DRC10: variants seen among roughly 807,000 people sequenced by gnomAD.
The protein encoded by DRC10 is dynein regulatory complex subunit 10.
At chr12:113,197,028 G>C in the DRC10 span, among the ~76,000 whole-genome samples, 1 of 152,206 alleles carries the variant, frequency 6.6e-6, no homozygotes, top group African/African-American at 2.4e-5. Context: ...GAGTGACTGA[G>C]TGATGCAGTG....
At chr12:113,220,158 G>A in the DRC10 span, among the ~76,000 whole-genome samples, 1 of 151,834 alleles carries the variant, frequency 6.6e-6, no homozygotes, top group Non-Finnish European at 1.5e-5. Flanking sequence ...GAAACTCTCT[G>A]TCTTCAGTAG....
At chr12:113,204,689 G>A in the DRC10 span, among the ~76,000 whole-genome samples, 2 of 152,196 alleles carry the variant, frequency 1.3e-5, no homozygotes, top group African/African-American at 4.8e-5. Context: ...GGGAGGCTGA[G>A]GTGGGAGGTG....
chr12:113,210,476 C>T, the DRC10 span, among the ~76,000 whole-genome samples: 1 of 152,018 alleles, frequency 6.6e-6, no homozygotes, highest in Non-Finnish European at 1.5e-5. Flanking sequence ...ACACCTACTG[C>T]CTTGGCCAAG....
the DRC10 span, among the ~76,000 whole-genome samples, chr12:113,203,295 G>A: frequency 6.6e-6 from 1 of 152,160 alleles, no homozygotes; most frequent in Non-Finnish European, 1.5e-5. Flanking sequence ...AAAGTGTTGG[G>A]ATTACAGGCG....
At chr12:113,218,673 A>G in the DRC10 span, among the ~76,000 whole-genome samples, 1 of 149,096 alleles carries the variant, frequency 6.7e-6, no homozygotes, top group South Asian at 2.1e-4. Flanking sequence ...TCAAACTCCT[A>G]GGCTCAAACT....
chr12:113,199,156 C>T, the DRC10 span, among the ~76,000 whole-genome samples: 7 of 152,216 alleles, frequency 4.6e-5, no homozygotes, highest in East Asian at 1.9e-4. Flanking sequence ...AGGCTGGTCT[C>T]GAACTCCTGA....
At chr12:113,204,915 A>G in the DRC10 span, among the ~76,000 whole-genome samples, 1 of 151,180 alleles carries the variant, frequency 6.6e-6, no homozygotes, top group Non-Finnish European at 1.5e-5. Flanking sequence ...GGCATAGAGT[A>G]AGACTGTCTC....
the DRC10 span, among the ~76,000 whole-genome samples, chr12:113,198,534 C>T: frequency 1.2e-4 from 19 of 152,126 alleles, no homozygotes; most frequent in African/African-American, 4.6e-4. Flanking sequence ...CCAGACACAA[C>T]GGCCACAGAA....
At chr12:113,199,882 C>A in the DRC10 span, among the ~76,000 whole-genome samples, 2 of 152,064 alleles carry the variant, frequency 1.3e-5, no homozygotes, top group Admixed American at 1.3e-4. Flanking sequence ...CAGCGCCTGA[C>A]TAATTTATCT....
At chr12:113,210,540 T>C in the DRC10 span, among the ~76,000 whole-genome samples, 3 of 149,788 alleles carry the variant, frequency 2.0e-5, no homozygotes, top group African/African-American at 7.4e-5. Context: ...AGTGGGAGGA[T>C]CGCTTGAGCC....
chr12:113,200,938 A>G, the DRC10 span: 1 of 641,842 alleles, frequency 1.6e-6, no homozygotes. Context: ...CAGGAGTTTG[A>G]GACCAGCCTG....
At chr12:113,199,157 G>A in the DRC10 span, among the ~76,000 whole-genome samples, 2 of 152,166 alleles carry the variant, frequency 1.3e-5, no homozygotes, top group South Asian at 2.1e-4. Flanking sequence ...GGCTGGTCTC[G>A]AACTCCTGAC....
At chr12:113,220,732 C>T in the DRC10 span, among the ~76,000 whole-genome samples, 1 of 152,140 alleles carries the variant, frequency 6.6e-6, no homozygotes, top group Non-Finnish European at 1.5e-5. Flanking sequence ...TACGATATGA[C>T]TCTGCTTGAC....
chr12:113,198,730 C>T, the DRC10 span, among the ~76,000 whole-genome samples: 10 of 152,120 alleles, frequency 6.6e-5, no homozygotes, highest in Non-Finnish European at 1.0e-4. Context: ...GGCACAACAT[C>T]GTGAATATAC....
At chr12:113,210,713 C>A in the DRC10 span, among the ~76,000 whole-genome samples, 3 of 151,282 alleles carry the variant, frequency 2.0e-5, no homozygotes, top group East Asian at 5.8e-4. Context: ...ATCCCTCACC[C>A]TGATTCTTCT....
the DRC10 span, among the ~76,000 whole-genome samples, chr12:113,210,612 G>GAAAAAAA: frequency 5.6e-5 from 6 of 107,294 alleles, no homozygotes; most frequent in East Asian, 3.1e-4. Context: ...AAGAAAAAAA[G>GAAAAAAA]AAAAAAAAAA....
chr12:113,217,466 AT>A, the DRC10 span, among the ~76,000 whole-genome samples: 1 of 152,192 alleles, frequency 6.6e-6, no homozygotes, highest in African/African-American at 2.4e-5. Context: ...GAACATTTCT[AT>A]CACTCCCCCC....
At chr12:113,195,726 A>C in the DRC10 span, 1 of 1,613,802 alleles carries the variant, frequency 6.2e-7, no homozygotes. Context: ...CGCCCGTACC[A>C]TGCGCACCAT....
chr12:113,199,173 G>A, the DRC10 span, among the ~76,000 whole-genome samples: 5 of 152,266 alleles, frequency 3.3e-5, no homozygotes, highest in African/African-American at 7.2e-5. Context: ...CTGACCTCAG[G>A]AGATCCGTCT....
Sources: allele counts gnomAD v4.1 joint callset (sites outside exome capture counted in the v4.1 genomes callset), GRCh38; gene constraint gnomAD v4.1.1; transcripts MANE v1.5; gene names NCBI Gene and HGNC (gene_info 2026-07-23, HGNC 2026-07-21).